NLRC5: variants seen among roughly 807,000 people sequenced by gnomAD.
The protein encoded by NLRC5 is NLR family CARD domain containing 5.
A neutral mutation model predicts 206.9 loss-of-function variants in NLRC5; 114 were observed. That is an observed-to-expected ratio of 0.55 (90% CI 0.47 to 0.64). The LOEUF is 0.64. Ranked by LOEUF, NLRC5 falls within the 30% of genes least tolerant of loss-of-function variation. The pLI is 0.00. For missense variants in NLRC5, 2,008 were observed against 2,305.5 expected (o/e 0.87, Z 2.64); for synonymous variants, 952 against 962.8 (o/e 0.99, Z 0.21).
intron 1 of NLRC5, among the ~76,000 whole-genome samples, chr16:57,000,818 C>T (rs1181668041): frequency 1.3e-5 from 2 of 152,178 alleles, no homozygotes; most frequent in Non-Finnish European, 2.9e-5. Context: ...GAAATGGCCA[C>T]TAACCATTCC....
intron 46 of NLRC5, chr16:57,080,863 G>A (rs2069047078): frequency 3.9e-6 from 2 of 518,352 alleles, no homozygotes. Flanking sequence ...TGGCAAAAAT[G>A]GCAACATCTT....
intron 15 of NLRC5, among the ~76,000 whole-genome samples, chr16:57,038,246 G>A (rs1429309900): frequency 5.3e-5 from 8 of 152,118 alleles, no homozygotes; most frequent in African/African-American, 1.9e-4. Context: ...GTGACGGGGA[G>A]TTATTAAGTA....
chr16:57,054,868 C>T, intron 25 of NLRC5, 28 bp downstream of exon 25: 1 of 1,607,544 alleles, frequency 6.2e-7, no homozygotes, highest in Non-Finnish European at 8.5e-7. Flanking sequence ...ACAGCCAGGA[C>T]TCGTCCTGAA....
At chr16:56,998,544 G>T (rs2057894466) in intron 1 of NLRC5, among the ~76,000 whole-genome samples, 1 of 152,180 alleles carries the variant, frequency 6.6e-6, no homozygotes, top group African/African-American at 2.4e-5. Context: ...GGCCCAGAGA[G>T]GCTATGTAAC....
intron 21 of NLRC5, among the ~76,000 whole-genome samples, chr16:57,045,886 C>T (rs1456993124): frequency 2.0e-5 from 3 of 152,196 alleles, no homozygotes; most frequent in Non-Finnish European, 4.4e-5. Context: ...AGGCAGGGGC[C>T]GTGGGTGCTC....
chr16:57,032,246 A>C (rs2061966220), intron 11 of NLRC5, among the ~76,000 whole-genome samples: 1 of 151,748 alleles, frequency 6.6e-6, no homozygotes, highest in Non-Finnish European at 1.5e-5. Flanking sequence ...CCATCTCTAA[A>C]AAAAAAAGGC....
intron 15 of NLRC5, 30 bp from the exon 16 acceptor site, chr16:57,039,751 C>A: frequency 6.2e-7 from 1 of 1,600,340 alleles, no homozygotes; most frequent in East Asian, 2.2e-5. Flanking sequence ...AATAACCTCT[C>A]GCTTCCTCAC....
intron 48 of NLRC5, 60 bp from the exon 49 acceptor site, chr16:57,082,357 C>A: frequency 2.2e-6 from 3 of 1,344,020 alleles, no homozygotes; most frequent in Non-Finnish European, 3.2e-6. Context: ...TCCCAATCTG[C>A]AGATACGACA....
At chr16:57,034,144 T>C in intron 12 of NLRC5, 24 bp from the exon 13 acceptor site, 1 of 1,608,840 alleles carries the variant, frequency 6.2e-7, no homozygotes, top group South Asian at 1.1e-5. Context: ...CCCTGAGCCC[T>C]TCTGTCCCCC....
At chr16:57,045,573 C>T in intron 21 of NLRC5, 81 bp downstream of exon 21, 4 of 1,372,572 alleles carry the variant, frequency 2.9e-6, no homozygotes, top group Admixed American at 1.7e-5. Context: ...CCCCCAGACC[C>T]ATGCTGACCA....
At chr16:57,010,410 T>C (rs73544986) in intron 1 of NLRC5, among the ~76,000 whole-genome samples, 45,998 of 152,110 alleles carry the variant, frequency 0.3, 7,698 homozygotes, top group Non-Finnish European at 0.37. Flanking sequence ...GGTCTCACTC[T>C]GTTGCCCAGG....
chr16:57,065,145 C>T (rs1316977061), intron 32 of NLRC5, 67 bp from the exon 33 acceptor site: 40 of 1,125,716 alleles, frequency 3.6e-5, no homozygotes, highest in Non-Finnish European at 2.0e-5. Context: ...CCCCCGGCCC[C>T]GTCATGTGTG....
chr16:57,035,505 C>G (rs2062441871), intron 13 of NLRC5, among the ~76,000 whole-genome samples: 2 of 152,194 alleles, frequency 1.3e-5, no homozygotes, highest in Non-Finnish European at 2.9e-5. Flanking sequence ...CACACTGGCT[C>G]TCTTTCAGGT....
At chr16:57,019,134 C>A (rs1254788058) in intron 2 of NLRC5, among the ~76,000 whole-genome samples, 1 of 152,164 alleles carries the variant, frequency 6.6e-6, no homozygotes, top group African/African-American at 2.4e-5. Flanking sequence ...ATGGCTCACA[C>A]CTGTAATCCC....
At position 57,075,005 on chromosome 16, in the gene NLRC5, C is replaced by CT. The variant is rs77796033; in HGVS notation, c.4751+364dup. On this transcript the variant is annotated intron_variant, in intron 39 of 48. Transcript: ENST00000688547. ...GGTCTGGAATTCTGCCTAGACTGTG[C>CT]TTTTTTTTTTTTTTTTTTTTTTTTT... is the stretch of plus-strand genomic sequence containing the variant. 3.4e-5 allele frequency among the ~76,000 whole-genome samples: 2 copies of CT among 58,104 alleles called. 1 individual carries two copies. The highest frequency in any genetic ancestry group is 1.4e-4 in the African/African-American group (2 of 14,294). The allele number at this position is 58,104 out of a possible 152,430, so 38.1% of individuals were successfully genotyped here.
chr16:57,016,653 C>T (rs1440330461), intron 1 of NLRC5, among the ~76,000 whole-genome samples: 1 of 152,194 alleles, frequency 6.6e-6, no homozygotes, highest in Non-Finnish European at 1.5e-5. Flanking sequence ...AAGAAGATTG[C>T]AAATCCTAAC....
Position 57,051,575 on chromosome 16 carries a change from ACT to A in NLRC5, c.3463_3464del (p.Leu1155ThrfsTer39). ...CEFLSDQSLE[T>X]LLDCLPQLPQ... is the part of the protein sequence containing the mutation. ...GTTCCTGAGTGACCAGAGCCTGGAG[ACT>A]CTACTGGACTGCTTACCTCAACTCC... On this transcript the variant is annotated frameshift_variant, in exon 24 of 49. Transcript: ENST00000688547. LOFTEE classifies it high-confidence loss of function. 1 of 1,613,372 alleles carries A rather than the reference ACT, an allele frequency of 6.2e-7. No individual in the cohort carries two copies. Among genetic ancestry groups the A allele is most frequent in the East Asian group, 2.2e-5 (1 of 44,848 alleles).
intron 28 of NLRC5, 66 bp downstream of exon 28, chr16:57,058,214 TG>T: frequency 7.4e-7 from 1 of 1,355,116 alleles, no homozygotes. Flanking sequence ...AAAAGCATGA[TG>T]GGGGCTCCTT....
intron 1 of NLRC5, among the ~76,000 whole-genome samples, chr16:56,991,663 A>T (rs1409901385): frequency 7.0e-6 from 1 of 142,294 alleles, no homozygotes; most frequent in Non-Finnish European, 1.5e-5. Flanking sequence ...GGCGTGAGCC[A>T]TCTTGCCCGG....
Sources: allele counts gnomAD v4.1 joint callset (sites outside exome capture counted in the v4.1 genomes callset), GRCh38; gene constraint gnomAD v4.1.1; transcripts MANE v1.5; gene names NCBI Gene and HGNC (gene_info 2026-07-23, HGNC 2026-07-21).